DRD2: variants seen among roughly 807,000 people sequenced by gnomAD.
The protein encoded by DRD2 is dopamine receptor D2.
In DRD2, 8 loss-of-function variants were observed where a neutral mutation model predicts 38.0. The observed-to-expected ratio is 0.21, with a 90% CI of 0.12 to 0.38. The LOEUF (loss-of-function observed/expected upper bound fraction) is 0.38, where lower values mean the gene tolerates loss of function less well. Ranked by LOEUF, DRD2 falls within the 10% of genes least tolerant of loss-of-function variation. DRD2 has a pLI of 1.00. For missense variants in DRD2, 403 were observed against 607.7 expected, an observed-to-expected ratio of 0.66 and a Z score of 3.54; for synonymous variants, 230 against 238.6, an observed-to-expected ratio of 0.96 and a Z score of 0.33.
chr11:113,464,976 C>G (rs1429356750), intron 1 of DRD2, among the ~76,000 whole-genome samples: 3 of 152,200 alleles, frequency 2.0e-5, no homozygotes, highest in Non-Finnish European at 2.9e-5. Flanking sequence ...GTCTTTCAAG[C>G]CTTCCTACCT....
Position 113,425,936 on chromosome 11 carries a change from G to C in DRD2, c.-31-1254C>G, listed in dbSNP as rs7118628. On this transcript the variant is annotated intron_variant, in intron 1 of 7. Transcript: ENST00000362072. ...AAACTGCAGGGACATTTACAGGCCA[G>C]ATTGTGTCTTGTCAGCTGGAGAGTC... 5.4e-3 allele frequency among the ~76,000 whole-genome samples: 817 copies of C among 152,208 alleles called. 3 individuals carry two copies. Among genetic ancestry groups the C allele is most frequent in the Middle Eastern group, 0.021 (6 of 292 alleles).
At chr11:113,427,050 C>G (rs1456733371) in intron 1 of DRD2, among the ~76,000 whole-genome samples, 1 of 152,224 alleles carries the variant, frequency 6.6e-6, no homozygotes, top group Non-Finnish European at 1.5e-5. Context: ...TCTTCTCCCC[C>G]CACTCCCTGC....
At chr11:113,430,667 A>T (rs920867946) in intron 1 of DRD2, among the ~76,000 whole-genome samples, 10 of 152,308 alleles carry the variant, frequency 6.6e-5, no homozygotes, top group Admixed American at 6.5e-4. Context: ...CCAAAAGAAT[A>T]CACAAGTGAG....
At chr11:113,429,981 T>C (rs1322659932) in intron 1 of DRD2, among the ~76,000 whole-genome samples, 2 of 152,244 alleles carry the variant, frequency 1.3e-5, no homozygotes, top group South Asian at 4.2e-4. Flanking sequence ...AAGAATGAAA[T>C]GAAACAAGCA....
At chr11:113,452,210 G>A (rs2119912888) in intron 1 of DRD2, among the ~76,000 whole-genome samples, 1 of 152,286 alleles carries the variant, frequency 6.6e-6, no homozygotes, top group Middle Eastern at 3.4e-3. Context: ...GTAATTGAGA[G>A]CATGACAACC....
chr11:113,409,853 G>T lies in DRD2; in HGVS notation c.*874C>A, dbSNP rs555543182. 1 of 152,758 alleles carries T rather than the reference G, an allele frequency of 6.5e-6. No individual in the cohort carries two copies. The highest frequency in any genetic ancestry group is 1.5e-5 in the Non-Finnish European group (1 of 68,316). The allele number at this position is 152,758 out of a possible 1,614,324, so 9.5% of individuals were successfully genotyped here. A position where few individuals can be genotyped will look rare whatever the true frequency, so the allele number is the denominator to read the frequency against. The stretch of plus-strand genomic sequence containing the variant: ...AGAAAAGGAAAGTGGTTTTGCGTCA[G>T]AGTGTGGCAGAGGCAGTCCCTCAAA... On this transcript the variant is annotated 3_prime_UTR_variant, in exon 8 of 8. Coordinates refer to ENST00000362072, the MANE Select transcript of DRD2 (RefSeq NM_000795.4).
Position 113,410,843 on chromosome 11 carries a change from C to T in DRD2, c.1216G>A (p.Val406Ile). ...AGCCACGTGAAGGCGCTGTACAGGACAGGCGGGATGTTGCAGTCACAGTGT... is the reference window on the plus strand; with the variant it reads ...AGCCACGTGAAGGCGCTGTACAGGATAGGCGGGATGTTGCAGTCACAGTGT... ...NIHCDCNIPP[V>I]LYSAFTWLGY... Residue 406 changes from valine to isoleucine, a missense_variant, in exon 8 of 8, where the codon GTC (valine) becomes ATC (isoleucine). Val to Ile is a conservative substitution (Grantham distance 29, BLOSUM62 3). This residue lies in a region of DRD2 where 67 missense variants were observed against 136.1 expected (regional missense o/e 0.49). Coordinates refer to ENST00000362072, the MANE Select transcript of DRD2 (RefSeq NM_000795.4). 1 of 1,614,174 alleles carries T rather than the reference C, an allele frequency of 6.2e-7. No individual in the cohort carries two copies. The highest frequency in any genetic ancestry group is 8.5e-7 in the Non-Finnish European group (1 of 1,180,026).
chr11:113,452,486 GCACATTGGGGGA>G (rs1951225735), intron 1 of DRD2, among the ~76,000 whole-genome samples: 1 of 144,198 alleles, frequency 6.9e-6, no homozygotes, highest in African/African-American at 2.5e-5. Flanking sequence ...GCGCGCGCGC[GCACATTGGGGGA>G]CAGGAAATGA....
intron 6 of DRD2, chr11:113,413,269 A>C: frequency 1.8e-6 from 1 of 571,012 alleles, no homozygotes; most frequent in South Asian, 1.4e-5. Context: ...TTCCGACTGC[A>C]AAGAGGGTGC....
intron 1 of DRD2, among the ~76,000 whole-genome samples, chr11:113,456,799 C>T (rs549073864): frequency 2.1e-4 from 32 of 152,202 alleles, no homozygotes; most frequent in Admixed American, 5.9e-4. Context: ...TGTTTCAAGA[C>T]GAGAAAGTTC....
chr11:113,464,308 T>G (rs373635251), intron 1 of DRD2, among the ~76,000 whole-genome samples: 2 of 152,126 alleles, frequency 1.3e-5, no homozygotes, highest in African/African-American at 4.8e-5. Flanking sequence ...CTGCGGCCCT[T>G]CCAGGAAAGT....
intron 1 of DRD2, among the ~76,000 whole-genome samples, chr11:113,448,624 G>A (rs1361981082): frequency 6.6e-6 from 1 of 152,214 alleles, no homozygotes; most frequent in Non-Finnish European, 1.5e-5. Context: ...AGAGGGCCTG[G>A]TGTTGTTCAC....
At chr11:113,468,539 TTTTGTTTG>T (rs780064307) in intron 1 of DRD2, among the ~76,000 whole-genome samples, 1 of 152,002 alleles carries the variant, frequency 6.6e-6, no homozygotes, top group African/African-American at 2.4e-5. Context: ...TTTTTTTGTT[TTTTGTTTG>T]TTTGTTTGTT....
chr11:113,434,336 G>A (rs1433760797), intron 1 of DRD2, among the ~76,000 whole-genome samples: 1 of 152,196 alleles, frequency 6.6e-6, no homozygotes, highest in Non-Finnish European at 1.5e-5. Flanking sequence ...GACGTCCATG[G>A]AGATAGCATC....
chr11:113,446,518 C>T (rs564143016), intron 1 of DRD2, among the ~76,000 whole-genome samples: 44 of 152,304 alleles, frequency 2.9e-4, no homozygotes, highest in African/African-American at 1.1e-3. Context: ...CAAGGGAGTT[C>T]CTTTAATAAC....
intron 1 of DRD2, among the ~76,000 whole-genome samples, chr11:113,433,173 A>G (rs570369706): frequency 6.6e-6 from 1 of 152,280 alleles, no homozygotes; most frequent in Admixed American, 6.5e-5. Flanking sequence ...ACCTGGAGCA[A>G]TGGACGATGG....
intron 1 of DRD2, among the ~76,000 whole-genome samples, chr11:113,430,600 C>A (rs1178607709): frequency 6.6e-6 from 1 of 152,238 alleles, no homozygotes; most frequent in Non-Finnish European, 1.5e-5. Flanking sequence ...CAGCCCATCC[C>A]TCCCTTTTGT....
chr11:113,434,822 G>T (rs1208546554), intron 1 of DRD2, among the ~76,000 whole-genome samples: 1 of 152,236 alleles, frequency 6.6e-6, no homozygotes, highest in African/African-American at 2.4e-5. Flanking sequence ...CATCCACAGT[G>T]AGTGAGCTGA....
At chr11:113,412,427 G>A (rs190972420) in intron 7 of DRD2, 129 bp downstream of exon 7, 917 of 1,162,808 alleles carry the variant, frequency 7.9e-4, no homozygotes, top group South Asian at 9.5e-4. Flanking sequence ...CTGTCTGTAT[G>A]TCAATGGGCT....
Sources: gnomAD v4.1 joint callset for allele counts (sites outside exome capture counted in the v4.1 genomes callset) on GRCh38, gnomAD v4.1.1 for gene constraint, gnomAD v4.1.1 regional missense constraint, MANE v1.5 for transcripts, NCBI Gene and HGNC (gene_info 2026-07-23, HGNC 2026-07-21) for gene names.